The following UQCRC2 variants were observed in gnomAD, a reference collection of about 807,000 sequenced individuals.
UQCRC2 encodes ubiquinol-cytochrome c reductase core protein 2, also known as cytochrome b-c1 complex subunit 2, mitochondrial.
A neutral mutation model predicts 55.6 loss-of-function variants in UQCRC2; 49 were observed. The ratio of observed to expected loss-of-function variants is 0.88; its 90% CI spans 0.70 to 1.12. UQCRC2 has a LOEUF of 1.12. Among genes scored for constraint, UQCRC2 ranks in the 50% most tolerant of loss-of-function variants. The pLI is 0.00. For synonymous variants in UQCRC2, 193 were observed against 192.0 expected (o/e 1.01, Z -0.04); for missense variants, 506 against 547.8 (o/e 0.92, Z 0.76).
At chr16:21,982,996 C>T in intron 13 of UQCRC2, 92 bp from the exon 14 acceptor site, 1 of 1,065,024 alleles carries the variant, frequency 9.4e-7, no homozygotes, top group East Asian at 2.6e-5. Flanking sequence ...ATGTCCTATC[C>T]ATAAATTCTT....
rs148337678 is a variant in UQCRC2, at chr16:21,957,964, A to T, written c.267+398A>T. ...GTGTCCACATTTCCTCCTGATAAGG[A>T]TACCAGTTACATTAGATTTAGTGCC... On this transcript the variant is annotated intron_variant, in intron 3 of 13. Transcript: ENST00000268379. Among the ~76,000 whole-genome samples, 66 of 152,334 alleles carry T rather than the reference A, an allele frequency of 4.3e-4. 2 individuals carry two copies. The East Asian group carries it at 7.7e-3, about 18-fold the overall frequency.
rs756357491 is a variant in UQCRC2, at chr16:21,971,537, C to T, written c.683C>T (p.Pro228Leu). 18 of 1,613,674 alleles carry T rather than the reference C, an allele frequency of 1.1e-5. No individual in the cohort carries two copies. The East Asian group carries it at 2.7e-4, about 24-fold the overall frequency. Reference protein sequence around the residue: ...MALIGLGVSHPVLKQVAEQFL... With the variant: ...MALIGLGVSHLVLKQVAEQFL... The stretch of plus-strand genomic sequence containing the variant: ...TCTGTTGAAACAGGTGTGAGTCATC[C>T]TGTTCTAAAGCAAGTTGCTGAACAG... Residue 228 changes from proline (P) to leucine (L), a missense_variant, in exon 9 of 14, where the codon CCT (proline) becomes CTT (leucine). By Grantham distance (98) the Pro-to-Leu change is moderately conservative. Coordinates refer to ENST00000268379, the MANE Select transcript of UQCRC2 (RefSeq NM_003366.4).
At chr16:21,958,219 CAA>C (rs1898123505) in intron 3 of UQCRC2, among the ~76,000 whole-genome samples, 1 of 151,956 alleles carries the variant, frequency 6.6e-6, no homozygotes, top group Admixed American at 6.6e-5. Flanking sequence ...AATCAGTAAA[CAA>C]ATTTTTAACA....
intron 10 of UQCRC2, among the ~76,000 whole-genome samples, chr16:21,972,431 C>G (rs1283632482): frequency 6.6e-6 from 1 of 152,176 alleles, no homozygotes; most frequent in Non-Finnish European, 1.5e-5. Context: ...TAGATTCTAA[C>G]TAGTCTTTTT....
intron 6 of UQCRC2, among the ~76,000 whole-genome samples, chr16:21,964,514 C>A (rs1397440886): frequency 6.6e-6 from 1 of 152,166 alleles, no homozygotes; most frequent in Non-Finnish European, 1.5e-5. Flanking sequence ...ATGCTCTACC[C>A]TCTTCTCCTT....
In UQCRC2 at chr16:21,972,097, C is replaced by G; in HGVS notation, c.941C>G (p.Ala314Gly). 3 of 1,613,854 alleles carry G rather than the reference C, an allele frequency of 1.9e-6. No homozygotes were observed. The highest frequency in any genetic ancestry group is 2.5e-6 in the Non-Finnish European group (3 of 1,179,852). ...ACCAGCCATCTGCACCAGGCTGTTG[C>G]CAAGGCAACTCAGCAGCCATTTGAT... is the stretch of plus-strand genomic sequence containing the variant. ...NTTSHLHQAVAKATQQPFDVS... is the reference protein window; with the variant it reads ...NTTSHLHQAVGKATQQPFDVS... The change falls in exon 10 of 14, where the codon GCC becomes GGC. Residue 314 changes from alanine to glycine, a missense_variant. Coordinates refer to ENST00000268379, the MANE Select transcript of UQCRC2 (RefSeq NM_003366.4).
At chr16:21,971,370 G>T (rs995855861) in intron 8 of UQCRC2, among the ~76,000 whole-genome samples, 155 bp from the exon 9 acceptor site, 6 of 152,154 alleles carry the variant, frequency 3.9e-5, no homozygotes, top group African/African-American at 9.7e-5. Context: ...CTGTAATTGG[G>T]TATCTCTGGG....
intron 4 of UQCRC2, chr16:21,961,253 AC>A: frequency 2.5e-6 from 1 of 394,024 alleles, no homozygotes; most frequent in South Asian, 1.8e-5. Context: ...ATATTGAAAA[AC>A]CCCACAGTTT....
intron 6 of UQCRC2, among the ~76,000 whole-genome samples, chr16:21,964,345 A>G (rs746529433): frequency 2.0e-5 from 3 of 151,938 alleles, no homozygotes; most frequent in Admixed American, 1.3e-4. Flanking sequence ...GGCTGGTGTC[A>G]GCCTCCAGGT....
At chr16:21,957,180 A>G (rs1898099313) in intron 1 of UQCRC2, 55 bp from the exon 2 acceptor site, 20 of 1,552,848 alleles carry the variant, frequency 1.3e-5, no homozygotes, top group Non-Finnish European at 1.7e-5. Context: ...CCATGCTTTT[A>G]TATAAAGCAC....
intron 12 of UQCRC2, among the ~76,000 whole-genome samples, chr16:21,978,847 T>G (rs1782005187): frequency 6.6e-6 from 1 of 152,164 alleles, no homozygotes; most frequent in Non-Finnish European, 1.5e-5. Context: ...TAAGAGGAAC[T>G]GGCTTGACTA....
Position 21,958,611 on chromosome 16 carries a change from A to C in UQCRC2, c.332+12A>C, listed in dbSNP as rs1433285220. 2 of 1,605,484 alleles carry C rather than the reference A, an allele frequency of 1.2e-6. No homozygotes were observed. Among genetic ancestry groups the C allele is most frequent in the South Asian group, 2.2e-5 (2 of 89,256 alleles). The stretch of plus-strand genomic sequence containing the variant: ...GGTGGCAAATTAAGGTTTGTTAAAT[A>C]AGTAATAGAAAATAGTGAAAATGCC... On this transcript the variant is annotated intron_variant, in intron 4 of 13. Transcript: ENST00000268379.
In UQCRC2 at chr16:21,957,495, A is replaced by C. The variant is rs1898107711; in HGVS notation, c.196A>C (p.Lys66Gln). The change falls in exon 3 of 14, where the codon AAA (lysine) becomes CAA (glutamine). Residue 66 changes from lysine (K) to glutamine (Q), a missense_variant. Transcript: ENST00000268379. ...SPVSRIGLFI[K>Q]AGSRYEDFSN... Reference sequence around the variant, plus strand: ...TGTATCAAGAATTGGTTTGTTCATTAAAGCAGGCAGTAGATATGAGGACTT... The same window carrying C: ...TGTATCAAGAATTGGTTTGTTCATTCAAGCAGGCAGTAGATATGAGGACTT... 6.2e-7 allele frequency: 1 copy of C among 1,614,214 alleles called. No individual in the cohort carries two copies. Among genetic ancestry groups the C allele is most frequent in the East Asian group, 2.2e-5 (1 of 44,892 alleles).
At chr16:21,955,054 C>CA (rs11388256) in intron 1 of UQCRC2, among the ~76,000 whole-genome samples, 78,911 of 101,864 alleles carry the variant, frequency 0.77, 30,998 homozygotes, top group African/African-American at 0.84. Flanking sequence ...GACTCCGTCT[C>CA]AAAAAAAAAA....
intron 11 of UQCRC2, 76 bp from the exon 12 acceptor site, chr16:21,976,091 C>A: frequency 1.0e-6 from 1 of 977,248 alleles, no homozygotes. Context: ...GTTTTTGCCT[C>A]AGTAAAGAAG....
At chr16:21,980,345 G>C in intron 12 of UQCRC2, 1 of 593,122 alleles carries the variant, frequency 1.7e-6, no homozygotes, top group South Asian at 2.5e-5. Flanking sequence ...ACCCTGAAGA[G>C]ACTTCTTCCC....
Position 21,983,301 on chromosome 16 carries a change from G to C in UQCRC2, c.*130G>C. The C allele has an allele frequency of 1.4e-6, 1 of 733,164 alleles. No individual in the cohort carries two copies. Among genetic ancestry groups the C allele is most frequent in the South Asian group, 2.1e-5 (1 of 47,578 alleles). The allele number at this position is 733,164 out of a possible 1,614,324, so 45.4% of individuals were successfully genotyped here. ...TGAGGTAAAATAAGGCATAAATGCA[G>C]GTAATTATTCCCAGCTGACCTAAAG... On this transcript the variant is annotated 3_prime_UTR_variant, in exon 14 of 14. Coordinates refer to ENST00000268379, the MANE Select transcript of UQCRC2 (RefSeq NM_003366.4).
At chr16:21,958,726 T>C (rs749420261) in intron 4 of UQCRC2, 127 bp downstream of exon 4, 7 of 776,576 alleles carry the variant, frequency 9.0e-6, no homozygotes, top group Non-Finnish European at 1.3e-5. Context: ...GACTGATGAA[T>C]TTGAGTATAT....
At chr16:21,968,823 G>A (rs1412192189) in intron 8 of UQCRC2, 138 bp downstream of exon 8, 6 of 584,652 alleles carry the variant, frequency 1.0e-5, no homozygotes, top group Non-Finnish European at 1.7e-5. Context: ...ATATATCATA[G>A]GATTTTAATT....
Sources: allele counts gnomAD v4.1 joint callset (sites outside exome capture counted in the v4.1 genomes callset), GRCh38; gene constraint gnomAD v4.1.1; transcripts MANE v1.5; gene names NCBI Gene and HGNC (gene_info 2026-07-23, HGNC 2026-07-21).